DPP10: variants seen among roughly 807,000 people sequenced by gnomAD.
The protein encoded by DPP10 is dipeptidyl peptidase like 10.
A neutral mutation model predicts 120.9 loss-of-function variants in DPP10; 33 were observed. The observed-to-expected ratio is 0.27, with a 90% confidence interval of 0.21 to 0.37. The LOEUF is 0.37. Among genes scored for constraint, DPP10 ranks in the 10% least tolerant of loss-of-function variants. The pLI is 1.00. For synonymous variants in DPP10, 337 were observed against 326.1 expected (o/e 1.03, Z -0.36); for missense variants, 816 against 942.8 (o/e 0.87, Z 1.76).
At chr2:114,825,565 C>A (rs1686452103) in intron 1 of DPP10, among the ~76,000 whole-genome samples, 1 of 152,180 alleles carries the variant, frequency 6.6e-6, no homozygotes, top group African/African-American at 2.4e-5. Context: ...CGAAGAATTA[C>A]TTTCTTATCA....
At chr2:114,536,068 T>C (rs1686455843) in intron 1 of DPP10, among the ~76,000 whole-genome samples, 1 of 152,120 alleles carries the variant, frequency 6.6e-6, no homozygotes, top group African/African-American at 2.4e-5. Flanking sequence ...ACCAGCCCTC[T>C]TGAGGTTGGG....
chr2:114,580,944 T>G (rs1418694466), intron 1 of DPP10, among the ~76,000 whole-genome samples: 1 of 152,024 alleles, frequency 6.6e-6, no homozygotes, highest in Non-Finnish European at 1.5e-5. Flanking sequence ...TTTCTACATG[T>G]TTTTAGCTGG....
intron 1 of DPP10, among the ~76,000 whole-genome samples, chr2:114,503,825 T>C (rs1573511262): frequency 6.6e-6 from 1 of 152,172 alleles, no homozygotes; most frequent in Non-Finnish European, 1.5e-5. Context: ...TTTTGTCCCA[T>C]AAAAAATAAG....
chr2:114,744,470 G>A (rs1303540160), intron 1 of DPP10, among the ~76,000 whole-genome samples: 1 of 152,218 alleles, frequency 6.6e-6, no homozygotes, highest in Non-Finnish European at 1.5e-5. Context: ...TCAGAAGTTA[G>A]GATGGCCTGT....
intron 1 of DPP10, among the ~76,000 whole-genome samples, chr2:115,018,257 G>T (rs930004215): frequency 6.6e-6 from 1 of 152,176 alleles, no homozygotes; most frequent in African/African-American, 2.4e-5. Flanking sequence ...TACACTGCTG[G>T]TAGGAGTGTA....
chr2:115,545,093 G>A (rs530169124), intron 5 of DPP10, among the ~76,000 whole-genome samples: 353 of 151,968 alleles, frequency 2.3e-3, no homozygotes, highest in African/African-American at 7.9e-3. Flanking sequence ...TCTAGGCAGC[G>A]GCAGAGTCTG....
intron 1 of DPP10, among the ~76,000 whole-genome samples, chr2:114,604,632 T>C (rs1692644021): frequency 6.6e-6 from 1 of 152,172 alleles, no homozygotes; most frequent in Admixed American, 6.6e-5. Context: ...CAGCCTTTTT[T>C]CACTGACCCA....
At chr2:115,090,371 G>A (rs1025406423) in intron 1 of DPP10, among the ~76,000 whole-genome samples, 1 of 152,200 alleles carries the variant, frequency 6.6e-6, no homozygotes, top group South Asian at 2.1e-4. Flanking sequence ...GGAAGGAGTA[G>A]ATAAAATTCT....
At chr2:115,610,795 C>G (rs1045774705) in intron 5 of DPP10, among the ~76,000 whole-genome samples, 1 of 151,974 alleles carries the variant, frequency 6.6e-6, no homozygotes, top group African/African-American at 2.4e-5. Context: ...TTGGTGCAGG[C>G]AGAAGTGAGT....
intron 1 of DPP10, among the ~76,000 whole-genome samples, chr2:114,991,168 C>T (rs1336118510): frequency 6.6e-6 from 1 of 151,972 alleles, no homozygotes; most frequent in Admixed American, 6.6e-5. Flanking sequence ...CTTGGTTATG[C>T]TGGAGTAAAA....
At chr2:114,446,296 T>G (rs1356838603) in intron 1 of DPP10, among the ~76,000 whole-genome samples, 2 of 152,188 alleles carry the variant, frequency 1.3e-5, no homozygotes, top group Non-Finnish European at 2.9e-5. Context: ...ATGTGCAGAT[T>G]TTTTTCTTAT....
chr2:115,749,123 G>T (rs1678385355), intron 10 of DPP10, among the ~76,000 whole-genome samples: 1 of 152,128 alleles, frequency 6.6e-6, no homozygotes, highest in Non-Finnish European at 1.5e-5. Context: ...GAAACATTTT[G>T]TCAAATTGTT....
intron 1 of DPP10, among the ~76,000 whole-genome samples, chr2:114,890,675 C>T (rs529125521): frequency 1.6e-4 from 24 of 152,304 alleles, no homozygotes; most frequent in Admixed American, 3.3e-4. Flanking sequence ...TGAATGCCTA[C>T]TATGTTCCAC....
At chr2:115,784,153 C>CA (rs755565697) in intron 17 of DPP10, among the ~76,000 whole-genome samples, 27 of 151,870 alleles carry the variant, frequency 1.8e-4, no homozygotes, top group East Asian at 1.2e-3. Flanking sequence ...TCAACAAAAA[C>CA]AAAAAAAGGC....
intron 1 of DPP10, chr2:115,161,993 G>C: frequency 7.2e-7 from 1 of 1,393,458 alleles, no homozygotes; most frequent in African/African-American, 1.5e-5. Context: ...GCCCACCCCG[G>C]GGGCCAGGGC....
At chr2:115,648,189 A>G (rs1466386328) in intron 5 of DPP10, among the ~76,000 whole-genome samples, 2 of 152,094 alleles carry the variant, frequency 1.3e-5, no homozygotes, top group African/African-American at 4.8e-5. Flanking sequence ...TTAATCCTCT[A>G]TATGGGAAAT....
chr2:115,663,617 C>T (rs575292438), intron 5 of DPP10, among the ~76,000 whole-genome samples: 100 of 152,258 alleles, frequency 6.6e-4, no homozygotes, highest in African/African-American at 2.3e-3. Context: ...GATTGACATT[C>T]GGCCACCTCT....
intron 3 of DPP10, among the ~76,000 whole-genome samples, chr2:115,400,215 G>T (rs572857942): frequency 1.7e-4 from 26 of 152,234 alleles, no homozygotes; most frequent in African/African-American, 6.0e-4. Context: ...AATTTGACAT[G>T]AGATTTGGGC....
At chr2:115,410,338 G>A (rs2068851326) in intron 3 of DPP10, among the ~76,000 whole-genome samples, 1 of 152,182 alleles carries the variant, frequency 6.6e-6, no homozygotes, top group African/African-American at 2.4e-5. Flanking sequence ...CAGGGACACG[G>A]ATGGAGCTGG....
Sources: allele counts gnomAD v4.1 joint callset (sites outside exome capture counted in the v4.1 genomes callset), GRCh38; gene constraint gnomAD v4.1.1; transcripts MANE v1.5; gene names NCBI Gene and HGNC (gene_info 2026-07-23, HGNC 2026-07-21).